Variants in FMN1 observed in about 807,000 individuals in gnomAD.
The protein encoded by FMN1 is formin-1.
A neutral mutation model predicts 132.4 loss-of-function variants in FMN1; 110 were observed. The ratio of observed to expected loss-of-function variants is 0.83; its 90% CI spans 0.71 to 0.97. FMN1 has a LOEUF of 0.97. Ranked by LOEUF, FMN1 falls within the 50% of genes least tolerant of loss-of-function variation. The pLI is 0.00. For synonymous variants in FMN1, 722 were observed against 651.7 expected, an observed-to-expected ratio of 1.11 and a Z score of -1.64; for missense variants, 1,792 against 1,705.3, an observed-to-expected ratio of 1.05 and a Z score of -0.90.
chr15:32,774,335 T>G lies in FMN1; in HGVS notation c.4235A>C (p.Lys1412Thr). The part of the protein sequence containing the change: ...TASLKERLRQ[K>T]EASVTTN The stretch of plus-strand genomic sequence containing the variant: ...TTAGTTAGTGGTCACACTGGCTTCC[T>G]TCTGACGCAGTCTTTCTTTCTGTTA... Residue 1412 changes from lysine (K) to threonine (T), a missense_variant, in exon 21 of 21, where the codon AAG becomes ACG. Coordinates refer to ENST00000616417, the MANE Select transcript of FMN1 (RefSeq NM_001277313.2). 6.2e-7 allele frequency: 1 copy of G among 1,602,456 alleles called. No homozygotes were observed. Among genetic ancestry groups the G allele is most frequent in the Non-Finnish European group, 8.5e-7 (1 of 1,174,350 alleles).
At chr15:32,870,099 G>A (rs774141655) in intron 16 of FMN1, among the ~76,000 whole-genome samples, 4 of 152,186 alleles carry the variant, frequency 2.6e-5, no homozygotes, top group African/African-American at 4.8e-5. Flanking sequence ...TGTTTTCTTG[G>A]TGACTTTAAA....
chr15:32,927,432 G>A (rs2060989234), intron 9 of FMN1, among the ~76,000 whole-genome samples: 1 of 151,958 alleles, frequency 6.6e-6, no homozygotes. Flanking sequence ...TTATTTTTTT[G>A]ATGTTTTGTA....
chr15:33,142,969 T>C (rs974248560), intron 4 of FMN1, among the ~76,000 whole-genome samples: 4 of 152,338 alleles, frequency 2.6e-5, no homozygotes, highest in African/African-American at 7.2e-5. Flanking sequence ...GCCTCTGGTT[T>C]CTGTTTCAAG....
At chr15:33,014,841 A>C (rs1478161100) in intron 6 of FMN1, among the ~76,000 whole-genome samples, 1 of 152,238 alleles carries the variant, frequency 6.6e-6, no homozygotes, top group African/African-American at 2.4e-5. Flanking sequence ...TGATTCCACA[A>C]ACACAGAAGG....
At chr15:33,115,491 GC>G (rs11289173) in intron 4 of FMN1, among the ~76,000 whole-genome samples, 24,111 of 135,582 alleles carry the variant, frequency 0.18, 2,344 homozygotes, top group Middle Eastern at 0.28. Context: ...TCATCCTTAA[GC>G]CCCCCCCCCC....
At chr15:33,007,080 A>G (rs2034459318) in intron 7 of FMN1, among the ~76,000 whole-genome samples, 1 of 152,200 alleles carries the variant, frequency 6.6e-6, no homozygotes. Context: ...TAAATGATAA[A>G]TATGTGAGGC....
intron 7 of FMN1, among the ~76,000 whole-genome samples, chr15:32,994,190 A>G (rs538283186): frequency 4.8e-5 from 7 of 145,094 alleles, no homozygotes; most frequent in Non-Finnish European, 1.1e-4. Flanking sequence ...TACATGCAAT[A>G]AATTGTTGAA....
At chr15:32,901,577 C>T (rs773876890) in intron 13 of FMN1, among the ~76,000 whole-genome samples, 15 of 152,174 alleles carry the variant, frequency 9.9e-5, no homozygotes, top group Non-Finnish European at 2.2e-4. Context: ...ATCTCTTCTG[C>T]AATCCAAATT....
chr15:32,935,132 A>T (rs1441759990), intron 9 of FMN1, among the ~76,000 whole-genome samples: 1 of 152,072 alleles, frequency 6.6e-6, no homozygotes, highest in African/African-American at 2.4e-5. Context: ...CATGTTGGGA[A>T]GGCTGGTCTC....
chr15:32,946,097 G>A (rs2061504720), intron 9 of FMN1, among the ~76,000 whole-genome samples: 1 of 152,224 alleles, frequency 6.6e-6, no homozygotes, highest in East Asian at 1.9e-4. Context: ...AGAGAAAGAT[G>A]AAATATTACT....
In FMN1 at chr15:32,825,970, A is replaced by G. The variant is rs183918430; in HGVS notation, c.3929-21638T>C. Among the ~76,000 whole-genome samples, 260 of 152,354 alleles carry G rather than the reference A, an allele frequency of 1.7e-3. 1 individual carries two copies. The highest frequency in any genetic ancestry group is 6.1e-3 in the African/African-American group (254 of 41,578). ...AAAATCAGTGTGCGAGATGTTGTTTAGAATAAGTAGTTTTGAGAGGTCAAA... is the reference window on the plus strand; with the variant it reads ...AAAATCAGTGTGCGAGATGTTGTTTGGAATAAGTAGTTTTGAGAGGTCAAA... On this transcript the variant is annotated intron_variant, in intron 17 of 20. Coordinates refer to ENST00000616417, the MANE Select transcript of FMN1 (RefSeq NM_001277313.2).
At chr15:32,814,252 CTTAG>C (rs1309453919) in intron 17 of FMN1, among the ~76,000 whole-genome samples, 2 of 152,176 alleles carry the variant, frequency 1.3e-5, no homozygotes, top group South Asian at 2.1e-4. Context: ...AATGCTTTTC[CTTAG>C]TTATTTTTCA....
intron 6 of FMN1, among the ~76,000 whole-genome samples, chr15:33,043,460 G>A (rs759684067): frequency 8.5e-5 from 13 of 152,142 alleles, no homozygotes; most frequent in African/African-American, 1.7e-4. Context: ...GCCTTTTGCC[G>A]TCTATAACTC....
intron 16 of FMN1, among the ~76,000 whole-genome samples, chr15:32,873,709 G>A (rs541501083): frequency 6.6e-6 from 1 of 152,260 alleles, no homozygotes; most frequent in South Asian, 2.1e-4. Flanking sequence ...CAAATAAATA[G>A]TATCCACTGA....
intron 4 of FMN1, among the ~76,000 whole-genome samples, chr15:33,116,564 T>C (rs1447858053): frequency 1.3e-5 from 2 of 152,260 alleles, no homozygotes; most frequent in Non-Finnish European, 1.5e-5. Flanking sequence ...CTGTTAAATT[T>C]AGTTTGTCGA....
chr15:32,874,991 T>C (rs1177567650), intron 16 of FMN1, among the ~76,000 whole-genome samples: 2 of 152,246 alleles, frequency 1.3e-5, no homozygotes, highest in Non-Finnish European at 2.9e-5. Flanking sequence ...CTGTTTACTA[T>C]GGCAGAGGAA....
intron 16 of FMN1, among the ~76,000 whole-genome samples, chr15:32,871,873 T>A (rs1436903614): frequency 6.6e-6 from 1 of 152,206 alleles, no homozygotes; most frequent in East Asian, 1.9e-4. Flanking sequence ...GGTCATCACA[T>A]TGGAAGTGCA....
At chr15:32,978,095 T>A (rs1317070574) in intron 7 of FMN1, among the ~76,000 whole-genome samples, 1 of 152,074 alleles carries the variant, frequency 6.6e-6, no homozygotes, top group Non-Finnish European at 1.5e-5. Context: ...GACCTCGTGA[T>A]CCCCTGCCTC....
intron 4 of FMN1, among the ~76,000 whole-genome samples, chr15:33,091,196 C>G (rs2038889644): frequency 6.6e-6 from 1 of 152,126 alleles, no homozygotes; most frequent in African/African-American, 2.4e-5. Context: ...GGCACATTGT[C>G]TGGTGAGTGT....
Sources: gnomAD v4.1 joint callset for allele counts (sites outside exome capture counted in the v4.1 genomes callset) on GRCh38, gnomAD v4.1.1 for gene constraint, MANE v1.5 for transcripts, NCBI Gene and HGNC (gene_info 2026-07-23, HGNC 2026-07-21) for gene names.